CMSS1: variants seen among roughly 807,000 people sequenced by gnomAD.
The protein encoded by CMSS1 is cms1 ribosomal small subunit homolog, also known as protein CMSS1.
CMSS1 carries 33 observed loss-of-function variants against 43.5 expected under a neutral mutation model. The observed-to-expected ratio is 0.76, with a 90% CI of 0.57 to 1.01. CMSS1 has a LOEUF of 1.01. Ranked by LOEUF, CMSS1 falls within the 50% of genes least tolerant of loss-of-function variation. The pLI, the probability that CMSS1 is intolerant of heterozygous loss-of-function variation, is 0.00. For synonymous variants in CMSS1, 115 were observed against 117.2 expected, an observed-to-expected ratio of 0.98 and a Z score of 0.12; for missense variants, 313 against 326.4, an observed-to-expected ratio of 0.96 and a Z score of 0.32.
intron 1 of CMSS1, among the ~76,000 whole-genome samples, chr3:100,108,943 A>G (rs1218926405): frequency 6.6e-6 from 1 of 152,054 alleles, no homozygotes; most frequent in Admixed American, 6.6e-5. Context: ...GTTTCGCAAC[A>G]TGGCATTTGG....
At chr3:99,852,262 C>G (rs1010501518) in intron 1 of CMSS1, among the ~76,000 whole-genome samples, 4 of 152,082 alleles carry the variant, frequency 2.6e-5, no homozygotes, top group Admixed American at 2.6e-4. Flanking sequence ...GGAATTGAAC[C>G]AAAGGACTTG....
chr3:99,950,999 C>T (rs565698610), intron 1 of CMSS1, among the ~76,000 whole-genome samples: 2 of 152,332 alleles, frequency 1.3e-5, no homozygotes, highest in Admixed American at 6.5e-5. Context: ...GATCCAAGCC[C>T]TGCTTGGTTT....
At chr3:99,841,987 G>T (rs114183661) in intron 1 of CMSS1, among the ~76,000 whole-genome samples, 1,851 of 152,248 alleles carry the variant, frequency 0.012, 23 homozygotes, top group Non-Finnish European at 0.016. Context: ...CTGGGTATCT[G>T]CCCAGAGGAA....
At chr3:99,910,834 T>C (rs1706764284) in intron 1 of CMSS1, among the ~76,000 whole-genome samples, 1 of 152,254 alleles carries the variant, frequency 6.6e-6, no homozygotes, top group Non-Finnish European at 1.5e-5. Context: ...TGTTATTTTT[T>C]TTAATGTTGC....
intron 1 of CMSS1, among the ~76,000 whole-genome samples, chr3:100,105,263 T>C (rs996361391): frequency 9.2e-5 from 14 of 152,220 alleles, no homozygotes; most frequent in African/African-American, 3.4e-4. Context: ...TAATTGAAGC[T>C]GACCATTAAT....
intron 1 of CMSS1, among the ~76,000 whole-genome samples, chr3:100,122,571 G>A (rs2107492878): frequency 6.6e-6 from 1 of 152,278 alleles, no homozygotes; most frequent in South Asian, 2.1e-4. Flanking sequence ...TTCATGTTAA[G>A]GTTCTTTGTC....
intron 1 of CMSS1, among the ~76,000 whole-genome samples, chr3:100,016,682 C>A (rs1027490707): frequency 6.6e-6 from 1 of 152,200 alleles, no homozygotes; most frequent in African/African-American, 2.4e-5. Flanking sequence ...AAAGTCCATG[C>A]AATTCATAAA....
chr3:99,943,101 T>C (rs1707899783), intron 1 of CMSS1, among the ~76,000 whole-genome samples: 1 of 152,144 alleles, frequency 6.6e-6, no homozygotes, highest in Non-Finnish European at 1.5e-5. Context: ...ATCCCTCAGC[T>C]GGGGCAAAGC....
intron 1 of CMSS1, among the ~76,000 whole-genome samples, chr3:99,917,440 A>T (rs1706988509): frequency 6.6e-6 from 1 of 152,208 alleles, no homozygotes; most frequent in Non-Finnish European, 1.5e-5. Context: ...ATATCATCAA[A>T]TATATTGTCA....
chr3:99,848,703 A>G, intron 1 of CMSS1: 1 of 1,614,108 alleles, frequency 6.2e-7, no homozygotes, highest in African/African-American at 1.3e-5. Context: ...GAGTTAGAGA[A>G]CCACAAGACT....
At chr3:99,996,775 C>G (rs1354396344) in intron 1 of CMSS1, among the ~76,000 whole-genome samples, 2 of 151,904 alleles carry the variant, frequency 1.3e-5, no homozygotes, top group Non-Finnish European at 2.9e-5. Flanking sequence ...ACCATGAGAA[C>G]AGTATGGGGA....
intron 1 of CMSS1, among the ~76,000 whole-genome samples, chr3:100,116,685 T>C (rs545717482): frequency 6.6e-6 from 1 of 152,220 alleles, no homozygotes; most frequent in Admixed American, 6.5e-5. Context: ...ATCACACTGA[T>C]AGCTGCATTT....
At chr3:100,116,788 T>C (rs2066574583) in intron 1 of CMSS1, among the ~76,000 whole-genome samples, 1 of 152,218 alleles carries the variant, frequency 6.6e-6, no homozygotes, top group Non-Finnish European at 1.5e-5. Flanking sequence ...GTTTCTGTTA[T>C]CCTCAGAATA....
intron 1 of CMSS1, among the ~76,000 whole-genome samples, chr3:99,905,128 T>C (rs559955416): frequency 1.3e-5 from 2 of 152,370 alleles, no homozygotes; most frequent in African/African-American, 4.8e-5. Context: ...GCTTCTTGTC[T>C]ACCTTCCTAG....
chr3:99,963,836 T>C (rs920163115), intron 1 of CMSS1, among the ~76,000 whole-genome samples: 1 of 152,130 alleles, frequency 6.6e-6, no homozygotes, highest in Admixed American at 6.5e-5. Flanking sequence ...CAAGCTGGTC[T>C]TGAACTCCTC....
intron 1 of CMSS1, among the ~76,000 whole-genome samples, chr3:100,001,344 G>A (rs918213681): frequency 1.3e-5 from 2 of 152,190 alleles, no homozygotes; most frequent in Non-Finnish European, 1.5e-5. Flanking sequence ...TGTCAGAGGT[G>A]AGTAGCTGCG....
chr3:100,117,913 C>T (rs781203083), intron 1 of CMSS1, among the ~76,000 whole-genome samples: 5 of 137,410 alleles, frequency 3.6e-5, no homozygotes, highest in African/African-American at 5.5e-5. Context: ...GGCTTAAAGA[C>T]GATTGAAATT....
chr3:99,849,757 T>C, intron 1 of CMSS1: 11 of 1,613,804 alleles, frequency 6.8e-6, no homozygotes, highest in Non-Finnish European at 9.3e-6. Flanking sequence ...TTTCATGTCC[T>C]TTAGCTTCAG....
At chr3:99,943,992 C>T (rs1707930105) in intron 1 of CMSS1, among the ~76,000 whole-genome samples, 2 of 152,176 alleles carry the variant, frequency 1.3e-5, no homozygotes, top group Non-Finnish European at 1.5e-5. Flanking sequence ...GATAGGAACT[C>T]ATAGCTTATC....
Sources: gnomAD v4.1 joint callset for allele counts (sites outside exome capture counted in the v4.1 genomes callset) on GRCh38, gnomAD v4.1.1 for gene constraint, MANE v1.5 for transcripts, NCBI Gene and HGNC (gene_info 2026-07-23, HGNC 2026-07-21) for gene names.